The following BMS1 variants were observed in gnomAD, a reference collection of about 807,000 sequenced individuals.
The protein encoded by BMS1 is BMS1 ribosome biogenesis factor, also known as ribosome biogenesis protein BMS1 homolog.
Under a neutral mutation model 138.7 loss-of-function variants are expected in BMS1, and 53 were observed. That is an observed-to-expected ratio of 0.38 (90% CI 0.31 to 0.48). The LOEUF is 0.48. Among genes scored for constraint, BMS1 ranks in the 20% least tolerant of loss-of-function variants. The pLI is 0.97. For missense variants in BMS1, 1,360 were observed against 1,565.5 expected, an observed-to-expected ratio of 0.87 and a Z score of 2.22; for synonymous variants, 504 against 539.9, an observed-to-expected ratio of 0.93 and a Z score of 0.92.
At chr10:42,786,442 CAG>C (rs1841333017) in intron 3 of BMS1, among the ~76,000 whole-genome samples, 1 of 152,112 alleles carries the variant, frequency 6.6e-6, no homozygotes, top group Admixed American at 6.5e-5. Context: ...TTTTTTGAGA[CAG>C]AGTCTTACTC....
intron 13 of BMS1, among the ~76,000 whole-genome samples, chr10:42,815,674 T>C (rs12780022): frequency 3.3e-5 from 5 of 151,880 alleles, no homozygotes; most frequent in African/African-American, 7.3e-5. Context: ...AAGTGCTGGG[T>C]TTACAGGCGT....
chr10:42,815,951 T>A (rs1207167349), intron 13 of BMS1, among the ~76,000 whole-genome samples: 2 of 152,224 alleles, frequency 1.3e-5, no homozygotes, highest in Non-Finnish European at 2.9e-5. Flanking sequence ...AGCTTTTCTA[T>A]TCATTCCTTG....
At position 42,830,903 on chromosome 10, in the gene BMS1, G is replaced by T. The variant is rs186197369; in HGVS notation, c.3656G>T (p.Ser1219Ile). 6.2e-7 allele frequency: 1 copy of T among 1,612,390 alleles called. No homozygotes were observed. The highest frequency in any genetic ancestry group is 1.7e-4 in the Middle Eastern group (1 of 6,056). ...CTGGATGCTCTGAGTACGGTGCATA[G>T]TCAGAAGATGAAGAAGGCCAAGGAG... ...ALLDALSTVHSQKMKKAKEQR... is the reference protein window; with the variant it reads ...ALLDALSTVHIQKMKKAKEQR... The change falls in exon 23 of 23, where the codon AGT becomes ATT. Residue 1219 changes from serine (S) to isoleucine (I), a missense_variant. By Grantham distance (142) the Ser-to-Ile change is moderately radical. Transcript: ENST00000374518.
chr10:42,809,913 G>A (rs1401417950), intron 13 of BMS1, among the ~76,000 whole-genome samples: 1 of 150,818 alleles, frequency 6.6e-6, no homozygotes, highest in Non-Finnish European at 1.5e-5. Context: ...CACCTCCCAC[G>A]TAGCTGGGAC....
In BMS1 at chr10:42,800,735, G is replaced by A. The variant is rs575823735; in HGVS notation, c.2248-1402G>A. On this transcript the variant is annotated intron_variant, in intron 12 of 22. Coordinates refer to ENST00000374518, the MANE Select transcript of BMS1 (RefSeq NM_014753.4). ...GTAGAGATGGGGTTTCACCACGTTG[G>A]TCAGGCTGGTCTCGAACTCCTGACC... Among the ~76,000 whole-genome samples the A allele has an allele frequency of 3.9e-5, 6 of 152,108 alleles. No homozygotes were observed. The East Asian group carries it at 7.8e-4, about 20-fold the overall frequency.
At position 42,804,014 on chromosome 10, in the gene BMS1, T is replaced by TAAC. The variant is rs1841946890; in HGVS notation, c.2329+1797_2329+1799dup. On this transcript the variant is annotated intron_variant, in intron 13 of 22. Coordinates refer to ENST00000374518, the MANE Select transcript of BMS1 (RefSeq NM_014753.4). Reference sequence around the variant, plus strand: ...CCTACAATATGTACTCTTTTCTGTCTAACTTCTTTTACTCAGCATGATTAT... The same window carrying TAAC: ...CCTACAATATGTACTCTTTTCTGTCTAACAACTTCTTTTACTCAGCATGATTAT... Among the ~76,000 whole-genome samples the TAAC allele has an allele frequency of 2.6e-5, 4 of 152,358 alleles. No homozygotes were observed. The South Asian group carries it at 8.3e-4, about 32-fold the overall frequency.
In BMS1 at chr10:42,797,166, T is replaced by A. The variant is rs1442934905; in HGVS notation, c.1922T>A (p.Ile641Lys). Residue 641 changes from isoleucine (I) to lysine (K), a missense_variant, in exon 10 of 23, where the codon ATA (isoleucine) becomes AAA (lysine). By Grantham distance (102) the Ile-to-Lys change is moderately radical. Coordinates refer to ENST00000374518, the MANE Select transcript of BMS1 (RefSeq NM_014753.4). ...AACTTCATTGATGAGACCAGTGATA[T>A]AGAAAATTTACTCAAAGAGGAAGAA... is the stretch of plus-strand genomic sequence containing the variant. ...PQNFIDETSDIENLLKEEEDY... is the reference protein window; with the variant it reads ...PQNFIDETSDKENLLKEEEDY... 1 of 1,613,282 alleles carries A rather than the reference T, an allele frequency of 6.2e-7. No homozygotes were observed. The highest frequency in any genetic ancestry group is 2.2e-5 in the East Asian group (1 of 44,874).
intron 12 of BMS1, among the ~76,000 whole-genome samples, chr10:42,801,659 C>G (rs1407575195): frequency 6.6e-6 from 1 of 152,072 alleles, no homozygotes; most frequent in Non-Finnish European, 1.5e-5. Flanking sequence ...TATTGTTTGC[C>G]CATTTCAAAA....
intron 5 of BMS1, 95 bp downstream of exon 5, chr10:42,790,606 C>A: frequency 1.5e-6 from 2 of 1,351,476 alleles, no homozygotes; most frequent in Non-Finnish European, 2.0e-6. Flanking sequence ...GTAATCCCAG[C>A]ACTTTGCAAG....
At position 42,793,917 on chromosome 10, in the gene BMS1, C is replaced by T. The variant is rs1237344554; in HGVS notation, c.1155C>T (p.Ala385=). The change falls in exon 9 of 23, where the codon GCC becomes GCT. Residue 385 remains alanine (A), a synonymous_variant. Transcript: ENST00000374518. ...TCTCTACCCACTCCACCATTGATGC[C>T]AAGATGGCTTCAAGTCGAGTGACGC... ...SLISTHSTID[A]KMASSRVTLF... 1.9e-6 allele frequency: 3 copies of T among 1,611,848 alleles called. No individual in the cohort carries two copies. The highest frequency in any genetic ancestry group is 2.7e-5 in the African/African-American group (2 of 74,932).
At chr10:42,812,605 C>T (rs533704595) in intron 13 of BMS1, among the ~76,000 whole-genome samples, 1 of 152,294 alleles carries the variant, frequency 6.6e-6, no homozygotes, top group African/African-American at 2.4e-5. Context: ...AACACGACAC[C>T]TGGCGTGGAT....
Position 42,822,083 on chromosome 10 carries a change from A to G in BMS1, c.3031A>G (p.Thr1011Ala). 6.3e-6 allele frequency: 10 copies of G among 1,593,740 alleles called. No homozygotes were observed. The highest frequency in any genetic ancestry group is 8.5e-6 in the Non-Finnish European group (10 of 1,177,426). ...TTAGCCTGATTTTCGGATAGCTGCT[A>G]CAGGAGTTGTCCTTGATCTGGATAA... is the stretch of plus-strand genomic sequence containing the variant. ...GIMPDFRIAA[T>A]GVVLDLDKSI... Residue 1011 changes from threonine (T) to alanine (A), a missense_variant, in exon 19 of 23, where the codon ACA (threonine) becomes GCA (alanine). Thr to Ala is a moderately conservative substitution (Grantham distance 58). Coordinates refer to ENST00000374518, the MANE Select transcript of BMS1 (RefSeq NM_014753.4).
At chr10:42,794,813 G>A (rs1422546025) in intron 9 of BMS1, among the ~76,000 whole-genome samples, 3 of 150,194 alleles carry the variant, frequency 2.0e-5, no homozygotes, top group African/African-American at 7.4e-5. Flanking sequence ...TGCACAATGT[G>A]CAGGTTAGTT....
At chr10:42,790,806 C>T (rs1209404466) in intron 5 of BMS1, among the ~76,000 whole-genome samples, 3 of 151,920 alleles carry the variant, frequency 2.0e-5, no homozygotes, top group African/African-American at 2.4e-5. Context: ...GCTGAGATCA[C>T]GCCACTGCAC....
intron 21 of BMS1, among the ~76,000 whole-genome samples, chr10:42,828,733 T>G (rs1189407851): frequency 6.6e-6 from 1 of 152,208 alleles, no homozygotes; most frequent in East Asian, 1.9e-4. Flanking sequence ...TGAAAAGATT[T>G]GTTTTCATGT....
Position 42,817,452 on chromosome 10 carries a change from A to G in BMS1, c.2538A>G (p.Thr846=). The change falls in exon 15 of 23, where the codon ACA becomes ACG. Residue 846 remains threonine (T), a synonymous_variant. Coordinates refer to ENST00000374518, the MANE Select transcript of BMS1 (RefSeq NM_014753.4). ...FDAEYDEGES[T]YFDDLKGEMQ... is the part of the protein sequence containing the mutation. ...CAGAATATGATGAAGGAGAAAGCACATATTTTGATGATCTTAAAGGAGAAA... is the reference window on the plus strand; with the variant it reads ...CAGAATATGATGAAGGAGAAAGCACGTATTTTGATGATCTTAAAGGAGAAA... 1.2e-6 allele frequency: 2 copies of G among 1,606,222 alleles called. No homozygotes were observed. The highest frequency in any genetic ancestry group is 8.5e-7 in the Non-Finnish European group (1 of 1,178,626).
At chr10:42,790,216 A>G (rs761267882) in intron 4 of BMS1, 107 bp from the exon 5 acceptor site, 14 of 1,033,686 alleles carry the variant, frequency 1.4e-5, no homozygotes, top group Non-Finnish European at 1.5e-5. Context: ...AACTTTAGTT[A>G]CAAACACAGG....
chr10:42,785,939 T>C (rs1358763365), intron 3 of BMS1, among the ~76,000 whole-genome samples: 1 of 152,076 alleles, frequency 6.6e-6, no homozygotes, highest in Non-Finnish European at 1.5e-5. Flanking sequence ...GGCTGGAAAA[T>C]CAAGCTTTGC....
chr10:42,830,724 A>G lies in BMS1; in HGVS notation c.3619-142A>G, dbSNP rs140410360. 7.2e-4 allele frequency: 579 copies of G among 800,898 alleles called. 2 individuals carry two copies. The Middle Eastern group carries it at 0.015, about 21-fold the overall frequency. The allele number at this position is 800,898 out of a possible 1,614,324, so 49.6% of individuals were successfully genotyped here. A position where few individuals can be genotyped will look rare whatever the true frequency, so the allele number is the denominator to read the frequency against. ...GGATCACACCTGTGTCTCCATGCCA[A>G]CAATGACTTCCTAGCACAGGATGCA... is the stretch of plus-strand genomic sequence containing the variant. On this transcript the variant is annotated intron_variant, in intron 22 of 22. Transcript: ENST00000374518.
Sources: gnomAD v4.1 joint callset for allele counts (sites outside exome capture counted in the v4.1 genomes callset) on GRCh38, gnomAD v4.1.1 for gene constraint, MANE v1.5 for transcripts, NCBI Gene and HGNC (gene_info 2026-07-23, HGNC 2026-07-21) for gene names.